The following WWOX variants were observed in gnomAD, a reference collection of about 807,000 sequenced individuals.
The protein encoded by WWOX is WW domain containing oxidoreductase.
A neutral mutation model predicts 46.2 loss-of-function variants in WWOX; 69 were observed. The ratio of observed to expected loss-of-function variants is 1.49; its 90% confidence interval spans 1.23 to 1.82. The LOEUF is 1.82. WWOX is among the 40% of genes most tolerant of loss of function. WWOX has a pLI of 0.00. For missense variants in WWOX, 919 were observed against 542.6 expected (o/e 1.69, Z -6.89); for synonymous variants, 359 against 202.6 (o/e 1.77, Z -6.56).
At chr16:78,492,725 G>A (rs8054906) in intron 8 of WWOX, among the ~76,000 whole-genome samples, 18,656 of 152,196 alleles carry the variant, frequency 0.12, 1,475 homozygotes, top group African/African-American at 0.22. Context: ...TCAAAGTTAT[G>A]ATTCAGGGAG....
intron 8 of WWOX, among the ~76,000 whole-genome samples, chr16:78,483,897 G>A (rs1422709245): frequency 1.3e-5 from 2 of 152,200 alleles, no homozygotes; most frequent in African/African-American, 2.4e-5. Context: ...GTGGTCAACA[G>A]TGGGGCTTAG....
chr16:78,171,564 C>T (rs888783007), intron 5 of WWOX, among the ~76,000 whole-genome samples: 1 of 152,078 alleles, frequency 6.6e-6, no homozygotes, highest in Non-Finnish European at 1.5e-5. Context: ...GATCATTCGT[C>T]AACGCATCAC....
At chr16:78,774,409 GAA>G (rs2050137280) in intron 8 of WWOX, among the ~76,000 whole-genome samples, 2 of 152,042 alleles carry the variant, frequency 1.3e-5, no homozygotes, top group African/African-American at 4.8e-5. Context: ...CAAAAAAAAA[GAA>G]AGAGTTCTGA....
intron 5 of WWOX, among the ~76,000 whole-genome samples, chr16:78,353,376 G>C (rs1302693348): frequency 6.6e-6 from 1 of 152,198 alleles, no homozygotes; most frequent in Admixed American, 6.5e-5. Context: ...CTGGGCTGAA[G>C]AGTTACCTGT....
At chr16:78,768,535 A>G (rs1223501499) in intron 8 of WWOX, among the ~76,000 whole-genome samples, 3 of 151,260 alleles carry the variant, frequency 2.0e-5, no homozygotes, top group African/African-American at 7.3e-5. Context: ...GGTTGCAGTG[A>G]GCGGAGACTG....
chr16:78,951,292 C>T (rs1028169100), intron 8 of WWOX, among the ~76,000 whole-genome samples: 1 of 151,976 alleles, frequency 6.6e-6, no homozygotes, highest in Non-Finnish European at 1.5e-5. Flanking sequence ...GCGCCCATAG[C>T]CTTAATGCTC....
At chr16:78,480,539 A>G (rs2084461034) in intron 8 of WWOX, among the ~76,000 whole-genome samples, 1 of 152,230 alleles carries the variant, frequency 6.6e-6, no homozygotes, top group African/African-American at 2.4e-5. Flanking sequence ...ATGTGCTAAG[A>G]AAAGAGGTGG....
chr16:78,169,002 A>G (rs1024459406), intron 5 of WWOX, among the ~76,000 whole-genome samples: 13 of 152,326 alleles, frequency 8.5e-5, no homozygotes, highest in Admixed American at 3.3e-4. Context: ...TAAAAGGCCA[A>G]TCCATTTGGC....
intron 5 of WWOX, among the ~76,000 whole-genome samples, chr16:78,230,169 C>T (rs1202721415): frequency 6.2e-4 from 3 of 4,836 alleles, no homozygotes; most frequent in African/African-American, 7.8e-3. Context: ...CGTGAGCTAC[C>T]GTGCCCGTGC....
chr16:78,598,890 A>G (rs1012694142), intron 8 of WWOX, among the ~76,000 whole-genome samples: 1 of 152,170 alleles, frequency 6.6e-6, no homozygotes, highest in Non-Finnish European at 1.5e-5. Context: ...ACTGTTCTAA[A>G]CACATGACAC....
rs577384267 is a variant in WWOX at position 78,548,613 on chromosome 16, G to A, written c.1056+115861G>A. ...TCATCTCTCAAGGAACTGATGGGCC[G>A]GTTGACTCTAAATGATTTTGCCTTT... On this transcript the variant is annotated intron_variant, in intron 8 of 8. Transcript: ENST00000566780. Among the ~76,000 whole-genome samples the A allele has an allele frequency of 3.9e-4, 60 of 152,222 alleles. No individual in the cohort carries two copies. In the South Asian group the frequency reaches 0.012, roughly 30 times the overall value.
intron 8 of WWOX, among the ~76,000 whole-genome samples, chr16:78,532,525 G>A (rs750059179): frequency 1.1e-4 from 16 of 152,302 alleles, no homozygotes; most frequent in Admixed American, 2.6e-4. Context: ...TAGTTACTGG[G>A]TGATTGAGAA....
At chr16:78,333,042 A>ATTTTTTTTTTTTTTT (rs1441535183) in intron 5 of WWOX, among the ~76,000 whole-genome samples, 5 of 62,176 alleles carry the variant, frequency 8.0e-5, no homozygotes, top group Non-Finnish European at 1.9e-4. Flanking sequence ...AGAGCATTAT[A>ATTTTTTTTTTTTTTT]CTTTTTTTTT....
At chr16:78,554,802 C>G (rs1036815133) in intron 8 of WWOX, among the ~76,000 whole-genome samples, 1 of 152,162 alleles carries the variant, frequency 6.6e-6, no homozygotes, top group Non-Finnish European at 1.5e-5. Flanking sequence ...GTCAGAAGCC[C>G]ACTGCCCACC....
chr16:78,239,864 C>G (rs1446729788), intron 5 of WWOX, among the ~76,000 whole-genome samples: 2 of 152,096 alleles, frequency 1.3e-5, no homozygotes, highest in African/African-American at 4.8e-5. Flanking sequence ...GCTCACTTTT[C>G]TTTTTTCCTC....
At chr16:79,152,198 G>A (rs1037364333) in intron 8 of WWOX, among the ~76,000 whole-genome samples, 12 of 152,214 alleles carry the variant, frequency 7.9e-5, no homozygotes, top group Non-Finnish European at 1.6e-4. Context: ...GCGAGGCGAG[G>A]CCCTGAGGAG....
intron 1 of WWOX, among the ~76,000 whole-genome samples, chr16:78,107,983 C>T (rs1052143977): frequency 1.3e-5 from 2 of 151,924 alleles, no homozygotes; most frequent in African/African-American, 4.8e-5. Context: ...GGCTGGAGTG[C>T]AGCGGCGTGA....
intron 8 of WWOX, among the ~76,000 whole-genome samples, chr16:78,626,083 A>C (rs1218349742): frequency 6.6e-6 from 1 of 151,722 alleles, no homozygotes; most frequent in Non-Finnish European, 1.5e-5. Flanking sequence ...TTTTTTACCT[A>C]ATGACTTTTT....
rs545560500 is a variant in WWOX at position 78,746,192 on chromosome 16, G to A, written c.1056+313440G>A. On this transcript the variant is annotated intron_variant, in intron 8 of 8. Transcript: ENST00000566780. The stretch of plus-strand genomic sequence containing the variant: ...AAAGCAGGGTCAGCAGAAAGCTGAC[G>A]TAGTTGGGTCTAAAGTACAACAGGA... 1.4e-4 allele frequency among the ~76,000 whole-genome samples: 22 copies of A among 152,342 alleles called. No homozygotes were observed. In the South Asian group the frequency reaches 2.9e-3, roughly 20 times the overall value.
Sources: gnomAD v4.1 joint callset for allele counts (sites outside exome capture counted in the v4.1 genomes callset) on GRCh38, gnomAD v4.1.1 for gene constraint, MANE v1.5 for transcripts, NCBI Gene and HGNC (gene_info 2026-07-23, HGNC 2026-07-21) for gene names.